DTNB: variants seen among roughly 807,000 people sequenced by gnomAD.
DTNB encodes the protein DTN-B.
A neutral mutation model predicts 90.7 loss-of-function variants in DTNB; 63 were observed. The observed-to-expected ratio is 0.69, with a 90% CI of 0.57 to 0.86. The LOEUF (loss-of-function observed/expected upper bound fraction) is 0.86, where lower values mean the gene tolerates loss of function less well. Among genes scored for constraint, DTNB ranks in the 40% least tolerant of loss-of-function variants. The probability of loss-of-function intolerance (pLI) is 0.00; values close to 1 mark genes in which losing one functional copy is unlikely to be tolerated. For missense variants in DTNB, 744 were observed against 807.1 expected (o/e 0.92, Z 0.95); for synonymous variants, 277 against 286.7 (o/e 0.97, Z 0.34).
rs2048817992 is a variant in DTNB at position 25,419,484 on chromosome 2, A to G, written c.1575+31T>C. 1.9e-6 allele frequency: 3 copies of G among 1,557,508 alleles called. No homozygotes were observed. The African/African-American group carries it at 4.1e-5, about 21-fold the overall frequency. ...AAGGAAGAACGTGCAAAGGAGCGAG[A>G]GTCCGGCGGGAAATTCCGAAGTTCA... On this transcript the variant is annotated intron_variant, in intron 16 of 20. Transcript: ENST00000406818.
Position 25,387,195 on chromosome 2 carries a change from G to A in DTNB, c.1825+94C>T. On this transcript the variant is annotated intron_variant, in intron 18 of 20. Transcript: ENST00000406818. This position sits in a 1 kb window ranked among gnomAD's most constrained non-coding sequence, Gnocchi z 4.5. ...TGATGAAATGGGGTGGTGCAAGCTG[G>A]GTGGTGAGGTTCTGCCGGTGCTGGC... 2 of 1,197,760 alleles carry A rather than the reference G, an allele frequency of 1.7e-6. No individual in the cohort carries two copies. Among genetic ancestry groups the A allele is most frequent in the Non-Finnish European group, 2.4e-6 (2 of 836,436 alleles). The allele number at this position is 1,197,760 out of a possible 1,614,324, so 74.2% of individuals were successfully genotyped here. A position where few individuals can be genotyped will look rare whatever the true frequency, so the allele number is the denominator to read the frequency against.
At chr2:25,443,405 T>A (rs562841652) in intron 12 of DTNB, among the ~76,000 whole-genome samples, 84 of 152,262 alleles carry the variant, frequency 5.5e-4, no homozygotes, top group Middle Eastern at 3.4e-3. Flanking sequence ...GGATAATAAA[T>A]AAGACCCCTT....
intron 6 of DTNB, among the ~76,000 whole-genome samples, chr2:25,581,645 T>C (rs1295214707): frequency 6.6e-6 from 1 of 152,244 alleles, no homozygotes; most frequent in Non-Finnish European, 1.5e-5. Flanking sequence ...AAAGATAAGA[T>C]AGAAATAGAG....
intron 6 of DTNB, among the ~76,000 whole-genome samples, chr2:25,593,798 A>G (rs1295008571): frequency 6.6e-6 from 1 of 152,208 alleles, no homozygotes; most frequent in Non-Finnish European, 1.5e-5. Flanking sequence ...TTGCAATTAA[A>G]TTAAAGATTA....
chr2:25,470,714 T>C (rs916341710), intron 10 of DTNB, among the ~76,000 whole-genome samples: 1 of 152,170 alleles, frequency 6.6e-6, no homozygotes, highest in South Asian at 2.1e-4. Context: ...TGTAAAGCTG[T>C]GTCCTGTTAT....
At chr2:25,462,293 G>A (rs904724936) in intron 10 of DTNB, among the ~76,000 whole-genome samples, 9 of 152,114 alleles carry the variant, frequency 5.9e-5, no homozygotes, top group Non-Finnish European at 1.0e-4. Context: ...GGGAGCAAGG[G>A]GACGGGACTG....
At chr2:25,430,965 T>C (rs954029298) in intron 14 of DTNB, among the ~76,000 whole-genome samples, 6 of 152,214 alleles carry the variant, frequency 3.9e-5, no homozygotes, top group Admixed American at 6.5e-5. Context: ...ATGGGTGAAG[T>C]TGTCTACCTT....
rs140976324 is a variant in DTNB at position 25,451,496 on chromosome 2, A to G, written c.1257+52T>C. ...TCTACTATTCCCTTTCCATTTGCAT[A>G]TTAAAGTAATGCTAATTTCTGCTAC... On this transcript the variant is annotated intron_variant, in intron 12 of 20. Coordinates refer to ENST00000406818, the MANE Select transcript of DTNB (RefSeq NM_021907.5). 3.0e-4 allele frequency: 468 copies of G among 1,539,608 alleles called. No homozygotes were observed. The African/African-American group carries it at 4.8e-3, about 16-fold the overall frequency.
chr2:25,427,319 C>T, intron 15 of DTNB: 2 of 500,944 alleles, frequency 4.0e-6, no homozygotes, highest in South Asian at 2.8e-5. Context: ...CTGCTCGAGA[C>T]ATTATCCTAT....
chr2:25,589,842 A>G (rs2063215989), intron 6 of DTNB, among the ~76,000 whole-genome samples: 1 of 151,816 alleles, frequency 6.6e-6, no homozygotes, highest in South Asian at 2.1e-4. Flanking sequence ...GACTCGTTCC[A>G]CCCACTCGGC....
chr2:25,467,707 TA>T (rs558856395), intron 10 of DTNB, among the ~76,000 whole-genome samples: 1 of 151,346 alleles, frequency 6.6e-6, no homozygotes, highest in Non-Finnish European at 1.5e-5. Context: ...GTCTAAGTAA[TA>T]AAAAAAAATT....
intron 10 of DTNB, among the ~76,000 whole-genome samples, chr2:25,459,421 T>C (rs2060582999): frequency 6.6e-6 from 1 of 152,132 alleles, no homozygotes; most frequent in Non-Finnish European, 1.5e-5. Flanking sequence ...TCAACTCTCT[T>C]GTAGGCCATT....
intron 10 of DTNB, among the ~76,000 whole-genome samples, chr2:25,478,884 C>T (rs923415137): frequency 2.6e-5 from 4 of 152,262 alleles, no homozygotes; most frequent in East Asian, 1.9e-4. Flanking sequence ...CTGCAACCAT[C>T]GGCAGCTTGG....
chr2:25,478,664 CTCT>C (rs1333187525), intron 10 of DTNB, among the ~76,000 whole-genome samples: 1 of 152,082 alleles, frequency 6.6e-6, no homozygotes, highest in Non-Finnish European at 1.5e-5. Flanking sequence ...CCTCCTCTCT[CTCT>C]TCTTTTCTTG....
intron 10 of DTNB, among the ~76,000 whole-genome samples, chr2:25,476,438 T>C (rs1283600441): frequency 1.3e-5 from 2 of 152,102 alleles, no homozygotes; most frequent in Non-Finnish European, 2.9e-5. Flanking sequence ...ATAGATAGAG[T>C]GGTTCCTCTG....
intron 10 of DTNB, among the ~76,000 whole-genome samples, chr2:25,473,167 TTGAGA>T (rs2063133263): frequency 6.6e-6 from 1 of 152,194 alleles, no homozygotes; most frequent in Admixed American, 6.5e-5. Context: ...CATGAAAAAG[TTGAGA>T]ACTGTACCAC....
At chr2:25,389,175 TAGA>T (rs1471131528) in intron 16 of DTNB, among the ~76,000 whole-genome samples, 12 of 152,350 alleles carry the variant, frequency 7.9e-5, no homozygotes, top group African/African-American at 2.2e-4. Context: ...GTCCATTTTA[TAGA>T]AGAAGAAGAA....
chr2:25,628,384 A>G lies in DTNB; in HGVS notation c.149T>C (p.Leu50Pro). The G allele has an allele frequency of 6.2e-7, 1 of 1,611,700 alleles. No homozygotes were observed. The highest frequency in any genetic ancestry group is 8.5e-7 in the Non-Finnish European group (1 of 1,179,112). Residue 50 changes from leucine to proline, a missense_variant and splice_region_variant, in exon 4 of 21, where the codon CTT becomes CCT. By Grantham distance (98) the Leu-to-Pro change is moderately conservative. Transcript: ENST00000406818. ...KLRFVQKRCNLHLVDIWNMIE... is the reference protein window; with the variant it reads ...KLRFVQKRCNPHLVDIWNMIE... Reference sequence around the variant, plus strand: ...CATGTTCCAGATATCAACAAGATGAACTAAAAGACAAAGAAAATAAACTGT... The same window carrying G: ...CATGTTCCAGATATCAACAAGATGAGCTAAAAGACAAAGAAAATAAACTGT...
chr2:25,646,674 G>GC (rs1204569898), intron 2 of DTNB, among the ~76,000 whole-genome samples: 1 of 151,970 alleles, frequency 6.6e-6, no homozygotes, highest in Non-Finnish European at 1.5e-5. Context: ...AAGCTAGAAG[G>GC]CCCCCCACCT....
Sources: allele counts gnomAD v4.1 joint callset (sites outside exome capture counted in the v4.1 genomes callset), GRCh38; gene constraint gnomAD v4.1.1; non-coding constraint Gnocchi (gnomAD v3.1); transcripts MANE v1.5; gene names NCBI Gene and HGNC (gene_info 2026-07-23, HGNC 2026-07-21).